Variants in EIF3A observed in about 807,000 individuals in gnomAD.
EIF3A encodes the protein eukaryotic translation initiation factor 3 subunit A, also known as EIF3, p180 subunit.
A neutral mutation model predicts 186.6 loss-of-function variants in EIF3A; 21 were observed. The observed-to-expected ratio is 0.11, with a 90% CI of 0.08 to 0.16. The LOEUF is 0.16. Among genes scored for constraint, EIF3A ranks in the 10% least tolerant of loss-of-function variants. The probability of loss-of-function intolerance (pLI) is 1.00; values close to 1 mark genes in which losing one functional copy is unlikely to be tolerated. For missense variants in EIF3A, 1,306 were observed against 1,796.3 expected (o/e 0.73, Z 4.93); for synonymous variants, 563 against 584.3 (o/e 0.96, Z 0.52).
intron 14 of EIF3A, among the ~76,000 whole-genome samples, chr10:119,055,441 T>C (rs1848411812): frequency 6.6e-6 from 1 of 152,190 alleles, no homozygotes; most frequent in African/African-American, 2.4e-5. Flanking sequence ...TATTAAATAC[T>C]TTGAGAATTA....
intron 14 of EIF3A, among the ~76,000 whole-genome samples, chr10:119,055,081 G>A (rs561642853): frequency 3.3e-5 from 5 of 152,240 alleles, no homozygotes; most frequent in East Asian, 3.9e-4. Context: ...GGTGGCAGGC[G>A]CCTGTAATCC....
chr10:119,080,276 G>A (rs532113786), intron 1 of EIF3A: 14 of 981,628 alleles, frequency 1.4e-5, no homozygotes, highest in Non-Finnish European at 1.7e-5. Flanking sequence ...GCCCTAAGCA[G>A]ACCAAAGCCC....
intron 6 of EIF3A, among the ~76,000 whole-genome samples, chr10:119,066,591 T>C (rs1589693896): frequency 7.5e-6 from 1 of 133,016 alleles, no homozygotes; most frequent in Admixed American, 7.9e-5. Context: ...GAATCAGAAG[T>C]GAACACTATT....
intron 9 of EIF3A, chr10:119,060,178 C>T: frequency 2.0e-6 from 1 of 495,032 alleles, no homozygotes; most frequent in Non-Finnish European, 3.9e-6. Context: ...CCCTCCTTCC[C>T]AAATGCAACA....
intron 10 of EIF3A, 26 bp from the exon 11 acceptor site, chr10:119,059,423 T>G (rs1843846001): frequency 6.7e-7 from 1 of 1,498,612 alleles, no homozygotes; most frequent in African/African-American, 1.4e-5. Flanking sequence ...TATCAATGGT[T>G]AAATCCACAA....
In EIF3A at chr10:119,042,787, G is replaced by A. The variant is rs768221395; in HGVS notation, c.2748-15C>T. 5 of 1,548,496 alleles carry A rather than the reference G, an allele frequency of 3.2e-6. No homozygotes were observed. In the East Asian group the frequency reaches 6.8e-5, roughly 21 times the overall value. ...GTCTCCACTCCCTACACAGCAACAA[G>A]AACAATTAAAAATATATAAAATAAA... On this transcript the variant is annotated splice_polypyrimidine_tract_variant and intron_variant, in intron 18 of 21. Coordinates refer to ENST00000369144, the MANE Select transcript of EIF3A (RefSeq NM_003750.4). The surrounding 1 kb of genome is among the most constrained non-coding windows in gnomAD (Gnocchi z 7.8).
intron 19 of EIF3A, among the ~76,000 whole-genome samples, chr10:119,040,537 C>CA (rs1406753485): frequency 6.6e-6 from 1 of 152,150 alleles, no homozygotes; most frequent in African/African-American, 2.4e-5. Context: ...GTGCTATATG[C>CA]AGTAAGCAGC....
chr10:119,066,808 A>G (rs531032470), intron 6 of EIF3A, among the ~76,000 whole-genome samples: 1 of 152,310 alleles, frequency 6.6e-6, no homozygotes, highest in African/African-American at 2.4e-5. Context: ...GGCTACTGCA[A>G]AGATTAAACC....
At position 119,037,105 on chromosome 10, in the gene EIF3A, T is replaced by C; in HGVS notation, c.3919+14A>G. The C allele has an allele frequency of 8.4e-7, 1 of 1,197,236 alleles. No individual in the cohort carries two copies. Among genetic ancestry groups the C allele is most frequent in the Non-Finnish European group, 1.1e-6 (1 of 872,964 alleles). The allele number at this position is 1,197,236 out of a possible 1,614,324, so 74.2% of individuals were successfully genotyped here. On this transcript the variant is annotated intron_variant, in intron 21 of 21. Coordinates refer to ENST00000369144, the MANE Select transcript of EIF3A (RefSeq NM_003750.4). ...ACAGTTCTCCAATACTTCAGTTGTA[T>C]GTAACCTCTATACCTTCTTCACGTT...
intron 5 of EIF3A, among the ~76,000 whole-genome samples, chr10:119,070,193 T>C (rs1290956537): frequency 6.6e-6 from 1 of 152,162 alleles, no homozygotes; most frequent in Non-Finnish European, 1.5e-5. Context: ...ATATTGTCCG[T>C]CAAATATACA....
chr10:119,042,224 G>A lies in EIF3A; in HGVS notation c.3296C>T (p.Pro1099Leu), dbSNP rs1462225490. 1.2e-6 allele frequency: 2 copies of A among 1,613,664 alleles called. No individual in the cohort carries two copies. Among genetic ancestry groups the A allele is most frequent in the East Asian group, 2.2e-5 (1 of 44,796 alleles). Residue 1099 changes from proline (P) to leucine (L), a missense_variant, in exon 19 of 22, where the codon CCC (proline) becomes CTC (leucine). By Grantham distance (98) the Pro-to-Leu change is moderately conservative. Transcript: ENST00000369144. The surrounding 1 kb of genome is among the most constrained non-coding windows in gnomAD (Gnocchi z 7.8). Reference sequence around the variant, plus strand: ...CCGGTCATCATCCATGCCTCGCCTGGGACCCCGGTCATCATCCATGCCTCG... The same window carrying A: ...CCGGTCATCATCCATGCCTCGCCTGAGACCCCGGTCATCATCCATGCCTCG... ...PRRGMDDDRGPRRGMDDDRGP... is the reference protein window; with the variant it reads ...PRRGMDDDRGLRRGMDDDRGP...
In EIF3A at chr10:119,034,810, C is replaced by CA. The variant is rs1259384860; in HGVS notation, c.*1228dup. 1 of 152,214 alleles carries CA rather than the reference C, an allele frequency of 6.6e-6. No individual in the cohort carries two copies. Among genetic ancestry groups the CA allele is most frequent in the Non-Finnish European group, 1.5e-5 (1 of 68,040 alleles). 9.4% of individuals were successfully genotyped at this position (152,214 alleles called of 1,614,324 possible). On this transcript the variant is annotated 3_prime_UTR_variant, in exon 22 of 22. Coordinates refer to ENST00000369144, the MANE Select transcript of EIF3A (RefSeq NM_003750.4). ...AAACACGCACATGCACACACAAACTCAGAGGACAGCGTTACAAGGAAACTA... is the reference window on the plus strand; with the variant it reads ...AAACACGCACATGCACACACAAACTCAAGAGGACAGCGTTACAAGGAAACTA...
rs71016533 is a variant in EIF3A at position 119,066,505 on chromosome 10, C to CA, written c.951-936dup. 2.6e-3 allele frequency among the ~76,000 whole-genome samples: 124 copies of CA among 47,496 alleles called. 8 individuals carry two copies. Among genetic ancestry groups the CA allele is most frequent in the African/African-American group, 0.012 (115 of 9,942 alleles). 31.2% of individuals were successfully genotyped at this position (47,496 alleles called of 152,430 possible). A position where few individuals can be genotyped will look rare whatever the true frequency, so the allele number is the denominator to read the frequency against. On this transcript the variant is annotated intron_variant, in intron 6 of 21. Transcript: ENST00000369144. ...GCCTGGGGGGCAGAGTTAAGACTGT[C>CA]AAAAAAAAAAAAAAAAAAAAAAAAA...
At chr10:119,077,296 A>T (rs1208154263) in intron 1 of EIF3A, among the ~76,000 whole-genome samples, 3 of 151,794 alleles carry the variant, frequency 2.0e-5, no homozygotes, top group African/African-American at 4.8e-5. Context: ...GAAAAAAATT[A>T]AAAAATTAGC....
At chr10:119,054,110 G>A (rs966817438) in intron 14 of EIF3A, among the ~76,000 whole-genome samples, 3 of 151,910 alleles carry the variant, frequency 2.0e-5, no homozygotes, top group Non-Finnish European at 2.9e-5. Context: ...TAGTAGAGAC[G>A]GGTTCTTGCC....
intron 14 of EIF3A, among the ~76,000 whole-genome samples, chr10:119,052,368 T>TGTGTGTGTGTGTGTGTGTGTGTG (rs1848367766): frequency 7.3e-5 from 9 of 123,062 alleles, no homozygotes; most frequent in East Asian, 4.9e-4. Context: ...TTTTTTGGTT[T>TGTGTGTGTGTGTGTGTGTGTGTG]TGTGTGTGTG....
At chr10:119,078,485 A>T (rs1042932337) in intron 1 of EIF3A, among the ~76,000 whole-genome samples, 1 of 152,118 alleles carries the variant, frequency 6.6e-6, no homozygotes, top group Admixed American at 6.5e-5. Flanking sequence ...ATAAAATGAG[A>T]TTATTTCCAA....
rs151269345 is a variant in EIF3A, at chr10:119,063,737, C to A, written c.1122+1662G>T. ...TTTCACTTGCTAGGCACATAACAGG[C>A]ACTCAACAAATTTCCACTGAATGGA... On this transcript the variant is annotated intron_variant, in intron 7 of 21. Coordinates refer to ENST00000369144, the MANE Select transcript of EIF3A (RefSeq NM_003750.4). 1.6e-3 allele frequency among the ~76,000 whole-genome samples: 241 copies of A among 152,276 alleles called. 1 individual carries two copies. Among genetic ancestry groups the A allele is most frequent in the African/African-American group, 5.7e-3 (236 of 41,552 alleles).
chr10:119,036,033 T>C lies in EIF3A; in HGVS notation c.*6A>G, dbSNP rs1449588374. 6 of 1,606,736 alleles carry C rather than the reference T, an allele frequency of 3.7e-6. No individual in the cohort carries two copies. The highest frequency in any genetic ancestry group is 1.1e-5 in the South Asian group (1 of 90,928). ...AGACACCAGTTTAAATCCATTATCT[T>C]GAGACTTAACGTCGTACTGTGGTCC... On this transcript the variant is annotated 3_prime_UTR_variant, in exon 22 of 22. Transcript: ENST00000369144.
Sources: allele counts gnomAD v4.1 joint callset (sites outside exome capture counted in the v4.1 genomes callset), GRCh38; gene constraint gnomAD v4.1.1; non-coding constraint Gnocchi (gnomAD v3.1); transcripts MANE v1.5; gene names NCBI Gene and HGNC (gene_info 2026-07-23, HGNC 2026-07-21).